Variants in CTNNA3 observed in about 807,000 individuals in gnomAD.
CTNNA3 encodes the protein catenin alpha 3, also known as catenin alpha-3.
A neutral mutation model predicts 95.7 loss-of-function variants in CTNNA3; 76 were observed. That is an observed-to-expected ratio of 0.79 (90% confidence interval 0.66 to 0.96). The LOEUF (loss-of-function observed/expected upper bound fraction) is 0.96, where lower values mean the gene tolerates loss of function less well. Ranked by LOEUF, CTNNA3 falls within the 40% of genes least tolerant of loss-of-function variation. The pLI is 0.00. For missense variants in CTNNA3, 1,191 were observed against 1,089.8 expected, an observed-to-expected ratio of 1.09 and a Z score of -1.31; for synonymous variants, 431 against 374.4, an observed-to-expected ratio of 1.15 and a Z score of -1.74.
At chr10:67,508,838 C>T (rs917391723) in intron 5 of CTNNA3, among the ~76,000 whole-genome samples, 10 of 151,624 alleles carry the variant, frequency 6.6e-5, no homozygotes, top group African/African-American at 2.4e-4. Flanking sequence ...AAATGACCCA[C>T]AAATAACCTA....
chr10:66,695,333 T>C (rs1317944341), intron 9 of CTNNA3, among the ~76,000 whole-genome samples: 1 of 152,152 alleles, frequency 6.6e-6, no homozygotes, highest in Non-Finnish European at 1.5e-5. Context: ...CTCTGCTCAA[T>C]AGGAAGTATT....
chr10:66,927,584 C>A lies in CTNNA3; in HGVS notation c.1048-152060G>T. On this transcript the variant is annotated intron_variant, in intron 7 of 17. Coordinates refer to ENST00000433211, the MANE Select transcript of CTNNA3 (RefSeq NM_013266.4). This position sits in a 1 kb window ranked among gnomAD's most constrained non-coding sequence, Gnocchi z 4.7. ...AATCAATTTTCCAAGCTCAACCTGG[C>A]CCTTTTTCCAAGGTTGGTCAGCCTT... 6.2e-7 allele frequency: 1 copy of A among 1,614,162 alleles called. No homozygotes were observed. The highest frequency in any genetic ancestry group is 8.5e-7 in the Non-Finnish European group (1 of 1,180,048).
At chr10:66,062,542 G>C (rs938188324) in intron 15 of CTNNA3, among the ~76,000 whole-genome samples, 1 of 152,034 alleles carries the variant, frequency 6.6e-6, no homozygotes, top group African/African-American at 2.4e-5. Flanking sequence ...AAAACATTAC[G>C]GTGTCTGAGA....
intron 10 of CTNNA3, among the ~76,000 whole-genome samples, chr10:66,591,835 A>T (rs1843561522): frequency 6.6e-6 from 1 of 152,094 alleles, no homozygotes; most frequent in Non-Finnish European, 1.5e-5. Flanking sequence ...AGTTAATAAT[A>T]CACAGGAAAA....
At chr10:67,516,669 G>A (rs1054687464) in intron 5 of CTNNA3, among the ~76,000 whole-genome samples, 4 of 152,126 alleles carry the variant, frequency 2.6e-5, no homozygotes, top group Admixed American at 6.5e-5. Flanking sequence ...AAATTAACAC[G>A]TCTATCATCA....
chr10:66,368,629 G>C (rs2092730579), intron 12 of CTNNA3, among the ~76,000 whole-genome samples: 1 of 152,022 alleles, frequency 6.6e-6, no homozygotes, highest in African/African-American at 2.4e-5. Flanking sequence ...TGTAATTGTG[G>C]AGATACGGCA....
At chr10:66,858,572 A>G (rs2132403743) in intron 7 of CTNNA3, among the ~76,000 whole-genome samples, 1 of 151,984 alleles carries the variant, frequency 6.6e-6, no homozygotes, top group East Asian at 1.9e-4. Flanking sequence ...TAATGATTCA[A>G]TTTTGGAGGT....
intron 8 of CTNNA3, among the ~76,000 whole-genome samples, chr10:66,771,398 C>T (rs758003512): frequency 6.6e-6 from 1 of 151,850 alleles, no homozygotes; most frequent in Admixed American, 6.6e-5. Context: ...GAGAGAGTTG[C>T]AATAGGTATA....
chr10:67,749,202 C>G (rs545757862), intron 1 of CTNNA3, among the ~76,000 whole-genome samples: 4 of 152,248 alleles, frequency 2.6e-5, no homozygotes, highest in Non-Finnish European at 5.9e-5. Context: ...GACTACCACA[C>G]AATAATAGTG....
chr10:66,053,202 CTA>C (rs1290724283), intron 15 of CTNNA3, among the ~76,000 whole-genome samples: 3 of 143,218 alleles, frequency 2.1e-5, no homozygotes, highest in Non-Finnish European at 4.7e-5. Context: ...ATAAAAATAA[CTA>C]TTTTATTTTT....
chr10:66,230,487 T>A (rs756367342), intron 13 of CTNNA3, among the ~76,000 whole-genome samples: 5 of 152,142 alleles, frequency 3.3e-5, no homozygotes, highest in Non-Finnish European at 5.9e-5. Flanking sequence ...TGAGAGTGCA[T>A]CAGCGGTCTA....
At chr10:66,874,824 C>T (rs758870087) in intron 7 of CTNNA3, among the ~76,000 whole-genome samples, 3 of 152,126 alleles carry the variant, frequency 2.0e-5, no homozygotes, top group Non-Finnish European at 4.4e-5. Flanking sequence ...TGTGTTTATT[C>T]GTTCATTTAT....
intron 5 of CTNNA3, among the ~76,000 whole-genome samples, chr10:67,419,634 T>G (rs928679637): frequency 2.6e-5 from 4 of 152,194 alleles, no homozygotes; most frequent in African/African-American, 9.6e-5. Context: ...CTCTGAAGGA[T>G]GTAAATGAAT....
chr10:66,197,112 C>T (rs1224352780), intron 13 of CTNNA3, among the ~76,000 whole-genome samples: 3 of 152,098 alleles, frequency 2.0e-5, no homozygotes, highest in Non-Finnish European at 4.4e-5. Context: ...TCCAATTTTT[C>T]AAAAAGACTA....
Position 66,683,305 on chromosome 10 carries a change from T to A in CTNNA3, c.1282-61521A>T, listed in dbSNP as rs559021633. Reference sequence around the variant, plus strand: ...CTGGGATGTATGAAAAACCTTCTTATGATATTAAAATGTTCACCTTTGAGG... The same window carrying A: ...CTGGGATGTATGAAAAACCTTCTTAAGATATTAAAATGTTCACCTTTGAGG... On this transcript the variant is annotated intron_variant, in intron 9 of 17. Coordinates refer to ENST00000433211, the MANE Select transcript of CTNNA3 (RefSeq NM_013266.4). 1.6e-3 allele frequency among the ~76,000 whole-genome samples: 239 copies of A among 152,272 alleles called. 1 individual carries two copies. The highest frequency in any genetic ancestry group is 5.5e-3 in the African/African-American group (230 of 41,570).
chr10:67,393,242 T>A (rs1341029529), intron 5 of CTNNA3, among the ~76,000 whole-genome samples: 1 of 152,136 alleles, frequency 6.6e-6, no homozygotes, highest in African/African-American at 2.4e-5. Flanking sequence ...TTCAGGATCA[T>A]ATTATTACTC....
chr10:66,332,194 G>C (rs1334687138), intron 12 of CTNNA3, among the ~76,000 whole-genome samples: 1 of 151,874 alleles, frequency 6.6e-6, no homozygotes, highest in African/African-American at 2.4e-5. Context: ...TCTGCAAACA[G>C]GGACAATTTG....
chr10:67,266,974 G>GAATTAAACT (rs1190021454), intron 5 of CTNNA3, among the ~76,000 whole-genome samples: 30 of 152,056 alleles, frequency 2.0e-4, no homozygotes, highest in African/African-American at 6.8e-4. Flanking sequence ...AACTTTAATA[G>GAATTAAACT]AATTAAACTT....
chr10:67,579,152 G>A (rs1000728259), intron 3 of CTNNA3, among the ~76,000 whole-genome samples: 3 of 148,024 alleles, frequency 2.0e-5, no homozygotes, highest in Non-Finnish European at 3.0e-5. Flanking sequence ...GTGCTGCACC[G>A]ATTAACTCAT....
Sources: allele counts gnomAD v4.1 joint callset (sites outside exome capture counted in the v4.1 genomes callset), GRCh38; gene constraint gnomAD v4.1.1; non-coding constraint Gnocchi (gnomAD v3.1); transcripts MANE v1.5; gene names NCBI Gene and HGNC (gene_info 2026-07-23, HGNC 2026-07-21).